The following KALRN variants were observed in gnomAD, a reference collection of about 807,000 sequenced individuals.
KALRN encodes the protein kalirin.
A neutral mutation model predicts 353.7 loss-of-function variants in KALRN; 70 were observed. The ratio of observed to expected loss-of-function variants is 0.20; its 90% CI spans 0.16 to 0.24. The LOEUF is 0.24. Among genes scored for constraint, KALRN ranks in the 10% least tolerant of loss-of-function variants. KALRN has a pLI of 1.00. For missense variants in KALRN, 2,791 were observed against 3,756.7 expected, an observed-to-expected ratio of 0.74 and a Z score of 6.72; for synonymous variants, 1,391 against 1,434.8, an observed-to-expected ratio of 0.97 and a Z score of 0.69.
At chr3:124,319,091 T>C (rs989570511) in intron 6 of KALRN, among the ~76,000 whole-genome samples, 1 of 151,974 alleles carries the variant, frequency 6.6e-6, no homozygotes, top group African/African-American at 2.4e-5. Flanking sequence ...TTTGCTGAAG[T>C]CAAAAGAGAT....
chr3:124,072,113 G>A (rs1210108836), intron 1 of KALRN, among the ~76,000 whole-genome samples: 2 of 152,210 alleles, frequency 1.3e-5, no homozygotes, highest in Non-Finnish European at 1.5e-5. Context: ...TGACACCAGG[G>A]AAGAAAAAGA....
At chr3:124,430,537 C>G in intron 15 of KALRN, 119 bp from the exon 16 acceptor site, 1 of 1,222,778 alleles carries the variant, frequency 8.2e-7, no homozygotes, top group Non-Finnish European at 1.2e-6. Flanking sequence ...TTGCTGTCCT[C>G]TCTCCAACAG....
chr3:124,648,632 C>T (rs2083040482), intron 37 of KALRN, among the ~76,000 whole-genome samples: 1 of 152,234 alleles, frequency 6.6e-6, no homozygotes, highest in Non-Finnish European at 1.5e-5. Context: ...TAAACCAAGG[C>T]TTGTTTCCCA....
intron 57 of KALRN, among the ~76,000 whole-genome samples, chr3:124,706,334 C>T (rs1368457875): frequency 6.6e-6 from 1 of 152,240 alleles, no homozygotes; most frequent in African/African-American, 2.4e-5. Context: ...GCTGGGTACT[C>T]AGAACCCCAG....
At chr3:124,301,307 G>C (rs566765320) in intron 6 of KALRN, among the ~76,000 whole-genome samples, 39 of 152,226 alleles carry the variant, frequency 2.6e-4, no homozygotes, top group African/African-American at 9.1e-4. Flanking sequence ...CATTTTTTAG[G>C]ACAAAAATAA....
intron 1 of KALRN, among the ~76,000 whole-genome samples, chr3:124,069,396 A>G (rs1187243496): frequency 6.6e-6 from 1 of 150,480 alleles, no homozygotes; most frequent in African/African-American, 2.5e-5. Flanking sequence ...CCTGGTTAAG[A>G]TGTCTGAGAG....
intron 1 of KALRN, among the ~76,000 whole-genome samples, chr3:124,181,427 C>T (rs1386247941): frequency 6.6e-6 from 1 of 152,098 alleles, no homozygotes; most frequent in Non-Finnish European, 1.5e-5. Flanking sequence ...GAAAGCTGCT[C>T]ATGATCAGAA....
chr3:124,318,596 A>T (rs2079032729), intron 6 of KALRN, among the ~76,000 whole-genome samples: 1 of 152,226 alleles, frequency 6.6e-6, no homozygotes, highest in African/African-American at 2.4e-5. Flanking sequence ...TAAGCTGGAG[A>T]AAGGAGATGA....
chr3:124,580,928 CA>C (rs1315632892), intron 34 of KALRN, among the ~76,000 whole-genome samples: 3 of 126,438 alleles, frequency 2.4e-5, no homozygotes, highest in Admixed American at 1.7e-4. Context: ...GGGAACATGG[CA>C]AAACCCTGTC....
chr3:124,509,813 G>A (rs1402030496), intron 33 of KALRN, among the ~76,000 whole-genome samples: 1 of 152,160 alleles, frequency 6.6e-6, no homozygotes, highest in African/African-American at 2.4e-5. Flanking sequence ...CTAAACATCT[G>A]TTGCTCACAG....
At chr3:124,543,064 G>A (rs2069215599) in intron 33 of KALRN, among the ~76,000 whole-genome samples, 2 of 152,096 alleles carry the variant, frequency 1.3e-5, no homozygotes, top group South Asian at 2.1e-4. Context: ...CTCTCTCTAG[G>A]GCTGCTTAAA....
chr3:124,222,103 G>C (rs940469613), intron 1 of KALRN, among the ~76,000 whole-genome samples: 1 of 152,204 alleles, frequency 6.6e-6, no homozygotes, highest in Non-Finnish European at 1.5e-5. Flanking sequence ...CTTGGTGACA[G>C]TATTTATGCT....
intron 1 of KALRN, among the ~76,000 whole-genome samples, chr3:124,171,562 A>G (rs1258800829): frequency 3.3e-5 from 5 of 152,158 alleles, no homozygotes; most frequent in Admixed American, 3.3e-4. Flanking sequence ...GGATTGGTCA[A>G]AGCAAGTCAT....
chr3:124,445,263 T>A (rs2093800351), intron 19 of KALRN, among the ~76,000 whole-genome samples: 1 of 152,208 alleles, frequency 6.6e-6, no homozygotes, highest in East Asian at 1.9e-4. Flanking sequence ...ACTGAGTATG[T>A]GATATTCATA....
intron 11 of KALRN, among the ~76,000 whole-genome samples, chr3:124,387,570 C>G (rs1409705368): frequency 6.6e-6 from 1 of 152,096 alleles, no homozygotes; most frequent in Non-Finnish European, 1.5e-5. Flanking sequence ...CTTTTTTCTC[C>G]TTTGCCACAA....
intron 6 of KALRN, among the ~76,000 whole-genome samples, chr3:124,319,517 A>G (rs1042672276): frequency 6.7e-6 from 1 of 149,828 alleles, no homozygotes; most frequent in Non-Finnish European, 1.5e-5. Flanking sequence ...TTCAGTGGGG[A>G]GGGAGAGTCT....
At chr3:124,284,545 A>G (rs1204932326) in intron 5 of KALRN, among the ~76,000 whole-genome samples, 1 of 152,212 alleles carries the variant, frequency 6.6e-6, no homozygotes, top group Non-Finnish European at 1.5e-5. Context: ...CTCTACTGTC[A>G]GCCCACAGTA....
intron 13 of KALRN, among the ~76,000 whole-genome samples, chr3:124,409,402 C>A (rs1403745631): frequency 1.3e-5 from 2 of 152,160 alleles, no homozygotes; most frequent in Non-Finnish European, 2.9e-5. Flanking sequence ...AGCAAACTAA[C>A]CCATGACCCA....
At chr3:124,340,113 G>A (rs1365035613) in intron 9 of KALRN, among the ~76,000 whole-genome samples, 1 of 152,190 alleles carries the variant, frequency 6.6e-6, no homozygotes, top group Non-Finnish European at 1.5e-5. Flanking sequence ...CTTACAGTCA[G>A]GGGGTGGAAA....
Sources: gnomAD v4.1 joint callset for allele counts (sites outside exome capture counted in the v4.1 genomes callset) on GRCh38, gnomAD v4.1.1 for gene constraint, MANE v1.5 for transcripts, NCBI Gene and HGNC (gene_info 2026-07-23, HGNC 2026-07-21) for gene names.